Variants in CIP2A observed in about 807,000 individuals in gnomAD.
CIP2A encodes protein CIP2A.
CIP2A carries 103 observed loss-of-function variants against 110.9 expected under a neutral mutation model. That is an observed-to-expected ratio of 0.93 (90% CI 0.79 to 1.09). The LOEUF (loss-of-function observed/expected upper bound fraction) is 1.09, where lower values mean the gene tolerates loss of function less well. CIP2A is among the 50% of genes least tolerant of loss of function. The pLI is 0.00. For synonymous variants in CIP2A, 381 were observed against 361.6 expected, an observed-to-expected ratio of 1.05 and a Z score of -0.61; for missense variants, 1,088 against 1,038.4, an observed-to-expected ratio of 1.05 and a Z score of -0.66.
Position 108,581,471 on chromosome 3 carries a change from A to G in CIP2A, c.493T>C (p.Leu165=), listed in dbSNP as rs755447839. 2 of 1,613,254 alleles carry G rather than the reference A, an allele frequency of 1.2e-6. No homozygotes were observed. Among genetic ancestry groups the G allele is most frequent in the East Asian group, 4.5e-5 (2 of 44,776 alleles). The part of the protein sequence containing the change: ...EDELKMPCLG[L]LANLCRHNLS... ...TTGTGCCGACAAAGATTTGCCAATA[A>G]TCCTAGACAAGGCATTTTTAACTCA... The change falls in exon 5 of 21, where the codon TTA becomes CTA. Residue 165 remains leucine, a synonymous_variant. Coordinates refer to ENST00000295746, the MANE Select transcript of CIP2A (RefSeq NM_020890.3).
At chr3:108,585,345 G>GA in intron 1 of CIP2A, 133 bp from the exon 2 acceptor site, 1 of 755,646 alleles carries the variant, frequency 1.3e-6, no homozygotes, top group Non-Finnish European at 2.1e-6. Flanking sequence ...CACATGCTGT[G>GA]AAAAATTCAC....
At position 108,554,467 on chromosome 3, in the gene CIP2A, T is replaced by A; in HGVS notation, c.2233A>T (p.Asn745Tyr). The part of the protein sequence containing the change: ...LQRNESTEKK[N>Y]KDLQITCDSL... ...TCACATGTGATCTGTAAATCTTTAT[T>A]CTTCTTTTCAGTACTTTCATTTCTG... The change falls in exon 18 of 21, where the codon AAT (asparagine) becomes TAT (tyrosine). Residue 745 changes from asparagine (N) to tyrosine (Y), a missense_variant. Physicochemically the swap from Asn to Tyr is moderately radical, Grantham distance 143. Coordinates refer to ENST00000295746, the MANE Select transcript of CIP2A (RefSeq NM_020890.3). The A allele has an allele frequency of 1.3e-6, 2 of 1,500,844 alleles. No homozygotes were observed. Among genetic ancestry groups the A allele is most frequent in the Non-Finnish European group, 1.8e-6 (2 of 1,089,534 alleles). The allele number at this position is 1,500,844 out of a possible 1,614,324, so 93.0% of individuals were successfully genotyped here.
chr3:108,576,247 A>G, intron 8 of CIP2A, 24 bp downstream of exon 8: 1 of 1,446,924 alleles, frequency 6.9e-7, no homozygotes, highest in South Asian at 1.3e-5. Flanking sequence ...AAAAGTTTAA[A>G]TGAAAAGTCA....
rs749497260 is a variant in CIP2A, at chr3:108,579,694, GAAA to G, written c.550-9_550-7del. The G allele has an allele frequency of 6.6e-7, 1 of 1,511,010 alleles. No individual in the cohort carries two copies. The highest frequency in any genetic ancestry group is 1.4e-5 in the African/African-American group (1 of 70,298). 93.6% of individuals were successfully genotyped at this position (1,511,010 alleles called of 1,614,324 possible). A position where few individuals can be genotyped will look rare whatever the true frequency, so the allele number is the denominator to read the frequency against. On this transcript the variant is annotated splice_polypyrimidine_tract_variant and splice_region_variant and intron_variant, in intron 5 of 20. Transcript: ENST00000295746. ...TAAAAAGATTTCACATTACTCTGAG[GAAA>G]AAAAAGTTAAAAAATAAATTAGAAT... is the stretch of plus-strand genomic sequence containing the variant.
intron 13 of CIP2A, among the ~76,000 whole-genome samples, chr3:108,562,055 G>A (rs1938023244): frequency 6.6e-6 from 1 of 152,024 alleles, no homozygotes; most frequent in South Asian, 2.1e-4. Flanking sequence ...AGCTTCCTGT[G>A]TATTTTTGTT....
rs1256272274 is a variant in CIP2A at position 108,550,485 on chromosome 3, A to AT, written c.*663dup. 1.3e-5 allele frequency: 2 copies of AT among 151,420 alleles called. No homozygotes were observed. Among genetic ancestry groups the AT allele is most frequent in the African/African-American group, 2.4e-5 (1 of 41,422 alleles). 9.4% of individuals were successfully genotyped at this position (151,420 alleles called of 1,614,324 possible). A position where few individuals can be genotyped will look rare whatever the true frequency, so the allele number is the denominator to read the frequency against. On this transcript the variant is annotated 3_prime_UTR_variant, in exon 21 of 21. Transcript: ENST00000295746. ...TACAAATAATTCTACAAGTTCTTAGATTTTTTATGAGACAGCTATTGTGTT... is the reference window on the plus strand; with the variant it reads ...TACAAATAATTCTACAAGTTCTTAGATTTTTTTATGAGACAGCTATTGTGTT...
At chr3:108,568,074 G>T in intron 10 of CIP2A, 81 bp downstream of exon 10, 1 of 1,057,070 alleles carries the variant, frequency 9.5e-7, no homozygotes, top group Non-Finnish European at 1.3e-6. Flanking sequence ...TACAAATAAA[G>T]ACAAAATGCA....
At chr3:108,557,451 A>G (rs1937849898) in intron 16 of CIP2A, 37 bp from the exon 17 acceptor site, 1 of 1,463,054 alleles carries the variant, frequency 6.8e-7, no homozygotes, top group African/African-American at 1.4e-5. Flanking sequence ...TACCACTATC[A>G]TCTATATCAT....
intron 8 of CIP2A, among the ~76,000 whole-genome samples, chr3:108,573,959 G>A (rs901990859): frequency 6.6e-6 from 1 of 151,974 alleles, no homozygotes; most frequent in Non-Finnish European, 1.5e-5. Context: ...AAAAAAACTA[G>A]GAAGCTTTTA....
intron 1 of CIP2A, 95 bp downstream of exon 1, chr3:108,589,175 CCTTT>C: frequency 2.4e-6 from 2 of 828,466 alleles, no homozygotes; most frequent in South Asian, 3.2e-5. Flanking sequence ...GAAGGACTGT[CCTTT>C]CTTTCCCAGG....
rs768667753 is a variant in CIP2A at position 108,576,339 on chromosome 3, G to C, written c.826C>G (p.His276Asp). The C allele has an allele frequency of 2.0e-6, 3 of 1,530,868 alleles. No homozygotes were observed. The Admixed American group carries it at 5.7e-5, about 29-fold the overall frequency. The allele number at this position is 1,530,868 out of a possible 1,614,324, so 94.8% of individuals were successfully genotyped here. ...KIADYLTRYE[H>D]FSSCLHQVLG... ...ACTTGGTGAAGACATGAAGAAAAGT[G>C]CTCATATCTAGGTTTAGAATAAAAA... Residue 276 changes from histidine (H) to aspartate (D), a missense_variant, in exon 8 of 21, where the codon CAC (histidine) becomes GAC (aspartate). His to Asp is a moderately conservative substitution (Grantham distance 81). Transcript: ENST00000295746.
intron 10 of CIP2A, 114 bp from the exon 11 acceptor site, chr3:108,566,752 T>C: frequency 1.7e-6 from 1 of 600,852 alleles, no homozygotes; most frequent in Non-Finnish European, 2.6e-6. Flanking sequence ...ATAATTATTG[T>C]TAAATTAGCT....
intron 7 of CIP2A, among the ~76,000 whole-genome samples, chr3:108,577,290 A>G (rs1019347328): frequency 5.9e-5 from 9 of 152,184 alleles, no homozygotes; most frequent in Non-Finnish European, 8.8e-5. Flanking sequence ...TTTAAAAGGG[A>G]TATCTGGTTG....
In CIP2A at chr3:108,550,546, T is replaced by C. The variant is rs2083884178; in HGVS notation, c.*603A>G. The C allele has an allele frequency of 6.6e-6, 1 of 151,500 alleles. No homozygotes were observed. The highest frequency in any genetic ancestry group is 1.5e-5 in the Non-Finnish European group (1 of 67,692). 9.4% of individuals were successfully genotyped at this position (151,500 alleles called of 1,614,324 possible). On this transcript the variant is annotated 3_prime_UTR_variant, in exon 21 of 21. Transcript: ENST00000295746. ...ATTTAAATGTAATAGTTTAACACAATGACAGTTTTCTAATTTTTATACATT... is the reference window on the plus strand; with the variant it reads ...ATTTAAATGTAATAGTTTAACACAACGACAGTTTTCTAATTTTTATACATT...
intron 8 of CIP2A, among the ~76,000 whole-genome samples, chr3:108,575,462 ATG>A (rs1428041179): frequency 2.0e-5 from 3 of 149,710 alleles, no homozygotes; most frequent in African/African-American, 7.3e-5. Flanking sequence ...ACATGTATAC[ATG>A]TGAGTATATA....
At chr3:108,571,503 GA>G (rs1228728961) in intron 8 of CIP2A, among the ~76,000 whole-genome samples, 1 of 152,146 alleles carries the variant, frequency 6.6e-6, no homozygotes, top group Non-Finnish European at 1.5e-5. Context: ...TGGTTCAAAA[GA>G]CAAACCCTGT....
intron 14 of CIP2A, among the ~76,000 whole-genome samples, 165 bp downstream of exon 14, chr3:108,560,484 T>C (rs1325386177): frequency 6.6e-6 from 1 of 152,168 alleles, no homozygotes; most frequent in South Asian, 2.1e-4. Context: ...AATGTTGAAA[T>C]TTTGACTGAT....
intron 9 of CIP2A, 132 bp from the exon 10 acceptor site, chr3:108,568,446 C>CA: frequency 1.7e-6 from 1 of 581,540 alleles, no homozygotes; most frequent in Admixed American, 3.8e-5. Flanking sequence ...CCTAAGTCTC[C>CA]TGTGAATATT....
intron 16 of CIP2A, among the ~76,000 whole-genome samples, chr3:108,558,823 T>G (rs1576300006): frequency 6.6e-6 from 1 of 152,118 alleles, no homozygotes; most frequent in East Asian, 1.9e-4. Flanking sequence ...AAAAGCAAAG[T>G]GGCCTAACAT....
Sources: gnomAD v4.1 joint callset for allele counts (sites outside exome capture counted in the v4.1 genomes callset) on GRCh38, gnomAD v4.1.1 for gene constraint, MANE v1.5 for transcripts, NCBI Gene and HGNC (gene_info 2026-07-23, HGNC 2026-07-21) for gene names.